The following REV1 variants were observed in gnomAD, a reference collection of about 807,000 sequenced individuals.
REV1 encodes translesion synthesis protein REV1.
Under a neutral mutation model 137.4 loss-of-function variants are expected in REV1, and 42 were observed. That is an observed-to-expected ratio of 0.31 (90% CI 0.24 to 0.40). The LOEUF (loss-of-function observed/expected upper bound fraction) is 0.40. REV1 is among the 10% of genes least tolerant of loss of function. The pLI is 1.00. For synonymous variants in REV1, 524 were observed against 519.2 expected (o/e 1.01, Z -0.12); for missense variants, 1,282 against 1,490.1 (o/e 0.86, Z 2.30).
At chr2:99,403,488 G>T in intron 19 of REV1, 1 of 658,984 alleles carries the variant, frequency 1.5e-6, no homozygotes, top group Non-Finnish European at 2.5e-6. Flanking sequence ...AAAAAGTGGT[G>T]TGTTTAAATC....
intron 1 of REV1, among the ~76,000 whole-genome samples, chr2:99,475,756 G>A (rs1685901542): frequency 6.6e-6 from 1 of 152,086 alleles, no homozygotes; most frequent in South Asian, 2.1e-4. Flanking sequence ...AGGCCGAGGT[G>A]GGTGGATAAC....
intron 3 of REV1, among the ~76,000 whole-genome samples, chr2:99,457,333 A>C (rs1683636799): frequency 6.6e-6 from 1 of 152,236 alleles, no homozygotes; most frequent in Non-Finnish European, 1.5e-5. Context: ...TACAGGTTTA[A>C]TGTAATTCCT....
chr2:99,415,997 G>C (rs1038648825), intron 12 of REV1, among the ~76,000 whole-genome samples: 1 of 152,268 alleles, frequency 6.6e-6, no homozygotes, highest in African/African-American at 2.4e-5. Flanking sequence ...TTATTCTGTG[G>C]AGTCTCCTAA....
chr2:99,425,683 T>C (rs1283301134), intron 9 of REV1, among the ~76,000 whole-genome samples: 2 of 152,222 alleles, frequency 1.3e-5, no homozygotes, highest in African/African-American at 4.8e-5. Flanking sequence ...TTATGCCAGA[T>C]ATATAGATTC....
intron 8 of REV1, chr2:99,432,029 TG>T (rs2104740740): frequency 2.1e-6 from 1 of 487,320 alleles, no homozygotes; most frequent in Non-Finnish European, 2.7e-6. Context: ...AAGTTGTCGA[TG>T]GGATAGAAAA....
intron 15 of REV1, 129 bp downstream of exon 15, chr2:99,407,900 T>C: frequency 2.2e-6 from 1 of 455,794 alleles, no homozygotes; most frequent in Non-Finnish European, 3.9e-6. Context: ...CTTTTCCTTG[T>C]ATTACAAAGC....
chr2:99,483,087 T>C (rs567936784), intron 1 of REV1, among the ~76,000 whole-genome samples: 67 of 152,048 alleles, frequency 4.4e-4, no homozygotes, highest in African/African-American at 1.4e-3. Flanking sequence ...GTTAAAACAT[T>C]TGTAAAGTTC....
chr2:99,454,192 C>A (rs560699148), intron 3 of REV1, among the ~76,000 whole-genome samples: 4 of 151,184 alleles, frequency 2.6e-5, no homozygotes, highest in African/African-American at 9.7e-5. Context: ...GAGTTTGAGA[C>A]CAACCTAGGC....
chr2:99,413,542 CT>C (rs68114401), intron 12 of REV1, among the ~76,000 whole-genome samples: 2 of 151,280 alleles, frequency 1.3e-5, no homozygotes, highest in South Asian at 2.1e-4. Context: ...AGAAGACAGA[CT>C]TTTTTTTTAA....
intron 12 of REV1, among the ~76,000 whole-genome samples, chr2:99,416,291 A>T (rs531560513): frequency 6.6e-6 from 1 of 152,354 alleles, no homozygotes; most frequent in African/African-American, 2.4e-5. Context: ...TTCTAAAATA[A>T]TTCCCAGGAC....
Position 99,402,719 on chromosome 2 carries a change from C to G in REV1, c.3466G>C (p.Ala1156Pro). 6.2e-7 allele frequency: 1 copy of G among 1,614,158 alleles called. No homozygotes were observed. The highest frequency in any genetic ancestry group is 1.3e-5 in the African/African-American group (1 of 75,038). The change falls in exon 21 of 23, where the codon GCA becomes CCA. Residue 1156 changes from alanine to proline, a missense_variant. Around this residue, in one of 7 missense-constraint regions of REV1, gnomAD observed 170 missense variants for 156.8 expected, o/e 1.08. Coordinates refer to ENST00000258428, the MANE Select transcript of REV1 (RefSeq NM_016316.4). ...TCAACAGCTCCAGCTAGATTGGGTGCTGGAGGTCTCACACAGCCAGCTGGG... is the reference window on the plus strand; with the variant it reads ...TCAACAGCTCCAGCTAGATTGGGTGGTGGAGGTCTCACACAGCCAGCTGGG... ...SDPAGCVRPP[A>P]PNLAGAVEFN...
Position 99,401,355 on chromosome 2 carries a change from A to G in REV1, c.3645-3T>C. ...ATTCCACCGATTGCTGCATCAGCCT[A>G]AAGGTGGGGAGAGAAGAAATGTCAT... is the stretch of plus-strand genomic sequence containing the variant. On this transcript the variant is annotated splice_region_variant and splice_polypyrimidine_tract_variant and intron_variant, in intron 22 of 22. Coordinates refer to ENST00000258428, the MANE Select transcript of REV1 (RefSeq NM_016316.4). 1 of 1,599,378 alleles carries G rather than the reference A, an allele frequency of 6.3e-7. No homozygotes were observed. Among genetic ancestry groups the G allele is most frequent in the Non-Finnish European group, 8.6e-7 (1 of 1,167,024 alleles).
intron 19 of REV1, 77 bp downstream of exon 19, chr2:99,403,618 A>G (rs1297410110): frequency 1.8e-5 from 28 of 1,597,426 alleles, no homozygotes; most frequent in Non-Finnish European, 2.3e-5. Context: ...TGCCCATTAT[A>G]TACTGCAATA....
In REV1 at chr2:99,448,774, T is replaced by C. The variant is rs574253653; in HGVS notation, c.350+562A>G. Among the ~76,000 whole-genome samples, 13 of 152,328 alleles carry C rather than the reference T, an allele frequency of 8.5e-5. No individual in the cohort carries two copies. In the East Asian group the frequency reaches 1.4e-3, roughly 16 times the overall value. On this transcript the variant is annotated intron_variant, in intron 4 of 22. Transcript: ENST00000258428. ...TCTTTAAGAGGTGCACACATATTTG[T>C]TGAATAACACGCTTGCTCCACCTTC...
At chr2:99,405,284 AATCTT>A (rs1367343272) in intron 17 of REV1, 3 of 152,896 alleles carry the variant, frequency 2.0e-5, no homozygotes, top group African/African-American at 7.2e-5. Flanking sequence ...TGGGTGGACC[AATCTT>A]ATCTTGCCAG....
chr2:99,415,554 C>T (rs1290355230), intron 12 of REV1, among the ~76,000 whole-genome samples: 1 of 152,238 alleles, frequency 6.6e-6, no homozygotes, highest in Non-Finnish European at 1.5e-5. Context: ...TGGAAATGTT[C>T]TCGTCTGCTA....
intron 15 of REV1, 94 bp downstream of exon 15, chr2:99,407,935 C>T: frequency 1.2e-5 from 8 of 644,204 alleles, no homozygotes; most frequent in Non-Finnish European, 2.0e-5. Flanking sequence ...ATATAAAGTC[C>T]CTATACACCA....
chr2:99,407,146 G>C (rs1479347556), intron 15 of REV1, among the ~76,000 whole-genome samples: 1 of 139,070 alleles, frequency 7.2e-6, no homozygotes, highest in Non-Finnish European at 1.5e-5. Flanking sequence ...CTGGAGTGCG[G>C]TGGCACGATC....
chr2:99,435,695 T>G, intron 7 of REV1, 139 bp downstream of exon 7: 1 of 540,724 alleles, frequency 1.8e-6, no homozygotes, highest in Non-Finnish European at 3.3e-6. Flanking sequence ...CCTTCCCTGA[T>G]AATCGAATAT....
Sources: gnomAD v4.1 joint callset for allele counts (sites outside exome capture counted in the v4.1 genomes callset) on GRCh38, gnomAD v4.1.1 for gene constraint, gnomAD v4.1.1 regional missense constraint, MANE v1.5 for transcripts, NCBI Gene and HGNC (gene_info 2026-07-23, HGNC 2026-07-21) for gene names.